Variants in GALNT13 observed in about 807,000 individuals in gnomAD.
GALNT13 encodes UDP-GalNAc:polypeptide N-acetylgalactosaminyltransferase 13.
A neutral mutation model predicts 64.2 loss-of-function variants in GALNT13; 28 were observed. The ratio of observed to expected loss-of-function variants is 0.44; its 90% CI spans 0.32 to 0.60. The LOEUF is 0.60. Among genes scored for constraint, GALNT13 ranks in the 20% least tolerant of loss-of-function variants. GALNT13 has a pLI of 0.05. For missense variants in GALNT13, 577 were observed against 669.8 expected, an observed-to-expected ratio of 0.86 and a Z score of 1.53; for synonymous variants, 214 against 224.6, an observed-to-expected ratio of 0.95 and a Z score of 0.42.
At chr2:154,393,885 C>T (rs1388031804) in intron 9 of GALNT13, among the ~76,000 whole-genome samples, 5 of 150,498 alleles carry the variant, frequency 3.3e-5, no homozygotes, top group South Asian at 2.1e-4. Flanking sequence ...GAGACCATCC[C>T]GGCTAAAACG....
chr2:153,763,517 C>G, the GALNT13 span, among the ~76,000 whole-genome samples: 1 of 152,182 alleles, frequency 6.6e-6, no homozygotes, highest in South Asian at 2.1e-4. Flanking sequence ...TGCCCAGGCT[C>G]TCTTGCCTGC....
chr2:154,045,208 ATT>A (rs1186476091), intron 3 of GALNT13, among the ~76,000 whole-genome samples: 3 of 152,226 alleles, frequency 2.0e-5, no homozygotes, highest in Non-Finnish European at 4.4e-5. Flanking sequence ...GGAAGATGAA[ATT>A]ACACAATGAA....
intron 8 of GALNT13, among the ~76,000 whole-genome samples, chr2:154,261,839 A>G (rs1159461856): frequency 6.6e-6 from 1 of 152,156 alleles, no homozygotes; most frequent in African/African-American, 2.4e-5. Context: ...AGGTGATTAT[A>G]ATAATAGTGA....
At chr2:153,630,762 CATATATATATATATATATAT>C in the GALNT13 span, among the ~76,000 whole-genome samples, 14 of 32,140 alleles carry the variant, frequency 4.4e-4, no homozygotes, top group African/African-American at 1.7e-3. Context: ...TTTTAGGCTT[CATATATATATATATATATAT>C]ATATATATAT....
chr2:153,665,102 T>A, the GALNT13 span, among the ~76,000 whole-genome samples: 1 of 152,320 alleles, frequency 6.6e-6, no homozygotes, highest in African/African-American at 2.4e-5. Flanking sequence ...GAAGTTTTAC[T>A]CTACTAGCTG....
At chr2:153,317,430 T>G in the GALNT13 span, among the ~76,000 whole-genome samples, 2 of 152,196 alleles carry the variant, frequency 1.3e-5, no homozygotes, top group East Asian at 3.9e-4. Context: ...GAATCTTTAA[T>G]CAAGTAAACT....
At chr2:153,569,734 A>G in the GALNT13 span, among the ~76,000 whole-genome samples, 1 of 152,110 alleles carries the variant, frequency 6.6e-6, no homozygotes, top group African/African-American at 2.4e-5. Flanking sequence ...GAACAATTAA[A>G]TTATTATTAA....
intron 9 of GALNT13, among the ~76,000 whole-genome samples, chr2:154,385,114 T>A (rs1413963365): frequency 6.6e-6 from 1 of 151,932 alleles, no homozygotes; most frequent in Non-Finnish European, 1.5e-5. Flanking sequence ...AATAAGATAG[T>A]ATGTGGCATA....
Position 154,337,188 on chromosome 2 carries a change from G to A in GALNT13, c.1156+35599G>A, listed in dbSNP as rs143225393. 8.7e-4 allele frequency among the ~76,000 whole-genome samples: 133 copies of A among 152,152 alleles called. 3 individuals carry two copies. In the East Asian group the frequency reaches 0.019, roughly 22 times the overall value. ...AATAATTTGTAAAATGGAATATAGTGATGCAGGCTCATGTTAGTTCAATAT... is the reference window on the plus strand; with the variant it reads ...AATAATTTGTAAAATGGAATATAGTAATGCAGGCTCATGTTAGTTCAATAT... On this transcript the variant is annotated intron_variant, in intron 9 of 12. Coordinates refer to ENST00000392825, the MANE Select transcript of GALNT13 (RefSeq NM_052917.4).
chr2:153,074,100 T>C, the GALNT13 span, among the ~76,000 whole-genome samples: 1 of 152,336 alleles, frequency 6.6e-6, no homozygotes, highest in Non-Finnish European at 1.5e-5. Context: ...GTTTCTTTTG[T>C]GATGTTAGCA....
the GALNT13 span, among the ~76,000 whole-genome samples, chr2:153,705,569 T>C: frequency 2.0e-5 from 3 of 152,184 alleles, no homozygotes; most frequent in East Asian, 1.9e-4. Context: ...TAAGTTCAGG[T>C]TGGTTTCACA....
intron 8 of GALNT13, among the ~76,000 whole-genome samples, chr2:154,277,304 T>A (rs1399687357): frequency 2.6e-5 from 4 of 152,196 alleles, no homozygotes; most frequent in African/African-American, 9.7e-5. Context: ...TTTTTGTATA[T>A]GTTCAGTTAG....
intron 4 of GALNT13, among the ~76,000 whole-genome samples, chr2:154,154,514 G>T (rs910630640): frequency 6.6e-6 from 1 of 152,136 alleles, no homozygotes; most frequent in Non-Finnish European, 1.5e-5. Flanking sequence ...TATTCTTGCA[G>T]TATTATATAA....
the GALNT13 span, among the ~76,000 whole-genome samples, chr2:153,134,155 A>G: frequency 6.6e-6 from 1 of 151,804 alleles, no homozygotes; most frequent in African/African-American, 2.4e-5. Context: ...CATAAAGGAC[A>G]GACTCTCAAG....
chr2:154,029,518 C>T, intron 3 of GALNT13, among the ~76,000 whole-genome samples: 1 of 152,096 alleles, frequency 6.6e-6, no homozygotes, highest in East Asian at 1.9e-4. Flanking sequence ...CAACAAATCC[C>T]AAACCTAGCT....
chr2:153,664,358 T>C, the GALNT13 span, among the ~76,000 whole-genome samples: 1 of 152,228 alleles, frequency 6.6e-6, no homozygotes. Context: ...AATATGACTT[T>C]GTTCTGCCTG....
In GALNT13 at chr2:154,415,352, A is replaced by C. The variant is rs528315324; in HGVS notation, c.1395+6270A>C. 1.4e-4 allele frequency among the ~76,000 whole-genome samples: 22 copies of C among 152,236 alleles called. No individual in the cohort carries two copies. In the South Asian group the frequency reaches 2.3e-3, roughly 16 times the overall value. ...GTACCTTTTCCTTTTAAAGGCAAAA[A>C]AATGTAAAGTAATGGAAAAATATTC... On this transcript the variant is annotated intron_variant, in intron 11 of 12. Coordinates refer to ENST00000392825, the MANE Select transcript of GALNT13 (RefSeq NM_052917.4).
chr2:153,669,694 G>A, the GALNT13 span, among the ~76,000 whole-genome samples: 4 of 152,050 alleles, frequency 2.6e-5, no homozygotes, highest in African/African-American at 9.7e-5. Context: ...GCTCACAGAG[G>A]GAGAGCCAAA....
rs545489434 is a variant in GALNT13, at chr2:154,452,858, G to C, written c.*2307G>C. The C allele has an allele frequency of 6.6e-6, 1 of 152,228 alleles. No individual in the cohort carries two copies. Among genetic ancestry groups the C allele is most frequent in the South Asian group, 2.1e-4 (1 of 4,820 alleles). 9.4% of individuals were successfully genotyped at this position (152,228 alleles called of 1,614,324 possible). On this transcript the variant is annotated 3_prime_UTR_variant, in exon 13 of 13. Coordinates refer to ENST00000392825, the MANE Select transcript of GALNT13 (RefSeq NM_052917.4). ...GTACAAAAAGTTAAAACCATGATTG[G>C]ATTCATAATGCACTTGTCTTATCCC...
Sources: allele counts gnomAD v4.1 joint callset (sites outside exome capture counted in the v4.1 genomes callset), GRCh38; gene constraint gnomAD v4.1.1; transcripts MANE v1.5; gene names NCBI Gene and HGNC (gene_info 2026-07-23, HGNC 2026-07-21).